ARHGEF28: variants seen among roughly 807,000 people sequenced by gnomAD.
ARHGEF28 encodes Rho guanine nucleotide exchange factor 28.
Under a neutral mutation model 206.6 loss-of-function variants are expected in ARHGEF28, and 152 were observed. The ratio of observed to expected loss-of-function variants is 0.74; its 90% CI spans 0.64 to 0.84. The LOEUF is 0.84. Among genes scored for constraint, ARHGEF28 ranks in the 40% least tolerant of loss-of-function variants. The pLI is 0.00. For synonymous variants in ARHGEF28, 763 were observed against 776.4 expected (o/e 0.98, Z 0.29); for missense variants, 2,028 against 2,073.2 (o/e 0.98, Z 0.42).
At chr5:73,785,133 C>T (rs555217788) in intron 7 of ARHGEF28, among the ~76,000 whole-genome samples, 36 of 152,278 alleles carry the variant, frequency 2.4e-4, no homozygotes, top group East Asian at 5.8e-4. Flanking sequence ...CCGAAGTCAA[C>T]GGCAGGTAAT....
intron 2 of ARHGEF28, among the ~76,000 whole-genome samples, chr5:73,740,432 TC>T (rs1352995798): frequency 2.0e-5 from 3 of 152,168 alleles, no homozygotes; most frequent in Non-Finnish European, 4.4e-5. Flanking sequence ...TAGTGCTTGT[TC>T]CTCCTAAGCT....
At position 73,911,404 on chromosome 5, in the gene ARHGEF28, T is replaced by A. The variant is rs1762895679; in HGVS notation, c.4777T>A (p.Tyr1593Asn). Reference protein sequence around the residue: ...NPSVIHQDATYPTTQSHSDLV... With the variant: ...NPSVIHQDATNPTTQSHSDLV... The stretch of plus-strand genomic sequence containing the variant: ...ATCAGTTATCCATCAGGATGCCACT[T>A]ACCCTACAACTCAATCTCATTCTGA... Residue 1593 changes from tyrosine to asparagine, a missense_variant, in exon 35 of 36, where the codon TAC becomes AAC. By Grantham distance (143) the Tyr-to-Asn change is moderately radical. This residue lies in a region of ARHGEF28 where 803 missense variants were observed against 768.0 expected (regional missense o/e 1.05). Coordinates refer to ENST00000513042, the MANE Select transcript of ARHGEF28 (RefSeq NM_001177693.2). 1.2e-6 allele frequency: 2 copies of A among 1,613,902 alleles called. No homozygotes were observed. The highest frequency in any genetic ancestry group is 1.7e-6 in the Non-Finnish European group (2 of 1,179,906).
chr5:73,661,901 G>C (rs1745619512), intron 1 of ARHGEF28, among the ~76,000 whole-genome samples: 1 of 152,164 alleles, frequency 6.6e-6, no homozygotes, highest in East Asian at 1.9e-4. Flanking sequence ...ATGTGACACA[G>C]AGACACGAAG....
intron 35 of ARHGEF28, among the ~76,000 whole-genome samples, chr5:73,915,588 G>A (rs1763164574): frequency 6.6e-6 from 1 of 152,144 alleles, no homozygotes; most frequent in Non-Finnish European, 1.5e-5. Context: ...CAATTGCTAT[G>A]TAATCGGCCC....
At chr5:73,743,398 T>A (rs2112381954) in intron 2 of ARHGEF28, among the ~76,000 whole-genome samples, 1 of 152,330 alleles carries the variant, frequency 6.6e-6, no homozygotes, top group East Asian at 1.9e-4. Flanking sequence ...TTGTTATTCC[T>A]GGTTGTTTTC....
intron 9 of ARHGEF28, among the ~76,000 whole-genome samples, chr5:73,827,472 A>G (rs1756984359): frequency 6.6e-6 from 1 of 152,240 alleles, no homozygotes; most frequent in Admixed American, 6.5e-5. Flanking sequence ...ATCACTTAAA[A>G]TATTAACTCA....
chr5:73,701,420 C>T (rs17732156), intron 2 of ARHGEF28, among the ~76,000 whole-genome samples: 1,614 of 152,096 alleles, frequency 0.011, 45 homozygotes, highest in Admixed American at 0.07. Context: ...TATTGGTAAC[C>T]GCCATTGTGC....
intron 13 of ARHGEF28, 47 bp from the exon 14 acceptor site, chr5:73,852,603 C>T: frequency 2.6e-6 from 4 of 1,566,336 alleles, no homozygotes; most frequent in Non-Finnish European, 3.5e-6. Flanking sequence ...CATATGACTG[C>T]CAGTTTGTGT....
At chr5:73,796,859 C>T (rs142031363) in intron 9 of ARHGEF28, among the ~76,000 whole-genome samples, 1 of 152,320 alleles carries the variant, frequency 6.6e-6, no homozygotes, top group East Asian at 1.9e-4. Flanking sequence ...GTTACTCACG[C>T]ACACAGGATG....
intron 29 of ARHGEF28, among the ~76,000 whole-genome samples, chr5:73,897,740 T>C (rs1432292703): frequency 6.6e-6 from 1 of 152,220 alleles, no homozygotes; most frequent in Non-Finnish European, 1.5e-5. Context: ...GTATTTTGGG[T>C]TTTGTAAATC....
At chr5:73,927,901 T>C (rs1389952142) in intron 35 of ARHGEF28, among the ~76,000 whole-genome samples, 1 of 152,208 alleles carries the variant, frequency 6.6e-6, no homozygotes, top group East Asian at 1.9e-4. Context: ...AAGATTATAA[T>C]CATTTACGAG....
At chr5:73,774,077 T>A in intron 5 of ARHGEF28, 39 bp downstream of exon 5, 1 of 1,510,018 alleles carries the variant, frequency 6.6e-7, no homozygotes, top group Non-Finnish European at 8.9e-7. Context: ...CTTATTTGTA[T>A]AAAGTCGGCC....
intron 2 of ARHGEF28, among the ~76,000 whole-genome samples, chr5:73,737,796 C>T (rs771780912): frequency 4.6e-5 from 7 of 152,140 alleles, no homozygotes; most frequent in South Asian, 2.1e-4. Context: ...GGATTACAGG[C>T]GTGAGCCACC....
intron 14 of ARHGEF28, among the ~76,000 whole-genome samples, chr5:73,854,524 A>G (rs1041929654): frequency 6.6e-6 from 1 of 152,158 alleles, no homozygotes; most frequent in Non-Finnish European, 1.5e-5. Context: ...CAATCTGCAT[A>G]GCAGGAACTT....
Position 73,909,658 on chromosome 5 carries a change from A to T in ARHGEF28, c.4408A>T (p.Ser1470Cys). The T allele has an allele frequency of 6.5e-7, 1 of 1,545,440 alleles. No individual in the cohort carries two copies. Residue 1470 changes from serine (S) to cysteine (C), a missense_variant, in exon 34 of 36, where the codon AGC (serine) becomes TGC (cysteine). By Grantham distance (112) the Ser-to-Cys change is moderately radical. This residue lies in a region of ARHGEF28 where 803 missense variants were observed against 768.0 expected (regional missense o/e 1.05). Coordinates refer to ENST00000513042, the MANE Select transcript of ARHGEF28 (RefSeq NM_001177693.2). ...QQQRAQATRESWLQERERECQ... is the reference protein window; with the variant it reads ...QQQRAQATRECWLQERERECQ... ...GCAGCGGGCGCAGGCGACCAGGGAG[A>T]GCTGGCTGCAGGAGCGGGAGCGGGA...
chr5:73,876,748 G>C (rs1760522393), intron 22 of ARHGEF28, among the ~76,000 whole-genome samples: 1 of 151,266 alleles, frequency 6.6e-6, no homozygotes, highest in Admixed American at 6.6e-5. Context: ...TATTGAACCA[G>C]CCTTGCATCC....
intron 2 of ARHGEF28, among the ~76,000 whole-genome samples, chr5:73,734,782 T>C (rs1376098637): frequency 6.6e-6 from 1 of 152,168 alleles, no homozygotes; most frequent in Admixed American, 6.5e-5. Flanking sequence ...AGGATAAAAA[T>C]ACTTCTGTTT....
At chr5:73,879,456 C>G (rs546422554) in intron 22 of ARHGEF28, among the ~76,000 whole-genome samples, 5 of 152,278 alleles carry the variant, frequency 3.3e-5, no homozygotes, top group African/African-American at 1.2e-4. Context: ...AGCTTTGTTC[C>G]GTTGCTGGTG....
At chr5:73,839,908 C>T (rs1757879600) in intron 10 of ARHGEF28, among the ~76,000 whole-genome samples, 1 of 152,138 alleles carries the variant, frequency 6.6e-6, no homozygotes, top group Non-Finnish European at 1.5e-5. Flanking sequence ...TTCCTATGAG[C>T]TACTTTTTGA....
Sources: allele counts gnomAD v4.1 joint callset (sites outside exome capture counted in the v4.1 genomes callset), GRCh38; gene constraint gnomAD v4.1.1; regional missense constraint gnomAD v4.1.1; transcripts MANE v1.5; gene names NCBI Gene and HGNC (gene_info 2026-07-23, HGNC 2026-07-21).